The following COL5A2 variants were observed in gnomAD, a reference collection of about 807,000 sequenced individuals.
The protein encoded by COL5A2 is collagen alpha-2(V) chain.
COL5A2 carries 23 observed loss-of-function variants against 208.2 expected under a neutral mutation model. The ratio of observed to expected loss-of-function variants is 0.11; its 90% CI spans 0.08 to 0.16. The LOEUF is 0.16. Ranked by LOEUF, COL5A2 falls within the 10% of genes least tolerant of loss-of-function variation. The probability of loss-of-function intolerance (pLI) is 1.00; values close to 1 mark genes in which losing one functional copy is unlikely to be tolerated. For missense variants in COL5A2, 1,590 were observed against 1,956.4 expected (o/e 0.81, Z 3.53); for synonymous variants, 625 against 628.5 (o/e 0.99, Z 0.08).
At chr2:189,056,033 G>C (rs940835756) in intron 35 of COL5A2, among the ~76,000 whole-genome samples, 5 of 152,184 alleles carry the variant, frequency 3.3e-5, no homozygotes, top group African/African-American at 1.2e-4. Context: ...GTTAAAAGAA[G>C]TGGTGCATCC....
At chr2:189,157,324 C>T (rs1688274411) in intron 1 of COL5A2, among the ~76,000 whole-genome samples, 1 of 151,680 alleles carries the variant, frequency 6.6e-6, no homozygotes, top group South Asian at 2.1e-4. Flanking sequence ...CAAATAATCA[C>T]ACGTCTGGAA....
At chr2:189,196,702 G>A (rs1689005761) in intron 1 of COL5A2, among the ~76,000 whole-genome samples, 1 of 151,992 alleles carries the variant, frequency 6.6e-6, no homozygotes, top group Admixed American at 6.6e-5. Flanking sequence ...GATCTTTGTT[G>A]ATGGAACTGA....
the COL5A2 span, among the ~76,000 whole-genome samples, chr2:189,287,264 CATT>C: frequency 6.6e-6 from 1 of 151,842 alleles, no homozygotes; most frequent in Non-Finnish European, 1.5e-5. Flanking sequence ...TGGTAGTTAT[CATT>C]AAAGGTATAA....
At chr2:189,041,287 CCTT>C (rs1685555256) in intron 50 of COL5A2, among the ~76,000 whole-genome samples, 1 of 152,094 alleles carries the variant, frequency 6.6e-6, no homozygotes, top group Non-Finnish European at 1.5e-5. Flanking sequence ...AAAATATTGC[CCTT>C]GAGAGCAAAT....
the COL5A2 span, among the ~76,000 whole-genome samples, chr2:189,231,046 C>G: frequency 2.6e-5 from 4 of 151,844 alleles, no homozygotes; most frequent in South Asian, 6.2e-4. Flanking sequence ...ATCTTGGAGA[C>G]ATTATGCTGA....
intron 29 of COL5A2, 84 bp from the exon 30 acceptor site, chr2:189,061,699 T>C (rs1686036751): frequency 2.1e-6 from 2 of 969,420 alleles, no homozygotes; most frequent in Admixed American, 1.8e-5. Context: ...GAAGTACTGA[T>C]ATTTATTTGT....
chr2:189,374,709 C>T, the COL5A2 span, among the ~76,000 whole-genome samples: 1 of 152,154 alleles, frequency 6.6e-6, no homozygotes, highest in Non-Finnish European at 1.5e-5. Context: ...TATACTGTTG[C>T]ATCTTACTGT....
intron 1 of COL5A2, among the ~76,000 whole-genome samples, chr2:189,169,953 GT>G (rs1688541276): frequency 6.6e-6 from 1 of 152,182 alleles, no homozygotes; most frequent in Admixed American, 6.5e-5. Context: ...CTGACCTCAG[GT>G]GATCTACCCA....
the COL5A2 span, among the ~76,000 whole-genome samples, chr2:189,435,193 T>C: frequency 6.6e-6 from 1 of 152,192 alleles, no homozygotes; most frequent in Non-Finnish European, 1.5e-5. Context: ...GATTAAAGAC[T>C]TAAATGTTAG....
At position 189,075,403 on chromosome 2, in the gene COL5A2, G is replaced by C. The variant is rs1251186188; in HGVS notation, c.1094C>G (p.Pro365Arg). 3.7e-6 allele frequency: 6 copies of C among 1,603,242 alleles called. No individual in the cohort carries two copies. The highest frequency in any genetic ancestry group is 5.1e-6 in the Non-Finnish European group (6 of 1,170,726). Residue 365 changes from proline (P) to arginine (R), a missense_variant, in exon 17 of 54, where the codon CCT (proline) becomes CGT (arginine). Coordinates refer to ENST00000374866, the MANE Select transcript of COL5A2 (RefSeq NM_000393.5). ...QRGAHGMPGK[P>R]GPMGPLGIPG... is the part of the protein sequence containing the mutation. ...AATAATATAACTCACCATTGGTCCA[G>C]GTTTTCCAGGCATACCATGTGCACC...
chr2:189,324,320 C>G, the COL5A2 span, among the ~76,000 whole-genome samples: 1 of 152,140 alleles, frequency 6.6e-6, no homozygotes, highest in South Asian at 2.1e-4. Context: ...CAAATGGGAT[C>G]TAATTAAACT....
At chr2:189,391,611 T>G in the COL5A2 span, among the ~76,000 whole-genome samples, 2 of 152,152 alleles carry the variant, frequency 1.3e-5, no homozygotes, top group Admixed American at 1.3e-4. Context: ...TCTAATGTAT[T>G]CAACATACTG....
the COL5A2 span, among the ~76,000 whole-genome samples, chr2:189,336,695 G>C: frequency 1.3e-5 from 2 of 152,294 alleles, no homozygotes; most frequent in Non-Finnish European, 2.9e-5. Flanking sequence ...GGTGTTTGGA[G>C]GAGAGTAATG....
chr2:189,357,931 T>C, the COL5A2 span, among the ~76,000 whole-genome samples: 4 of 152,032 alleles, frequency 2.6e-5, no homozygotes, highest in Non-Finnish European at 5.9e-5. Context: ...CAGAGTGCAC[T>C]GTTCCTCATG....
chr2:189,393,701 C>T, the COL5A2 span, among the ~76,000 whole-genome samples: 4 of 152,174 alleles, frequency 2.6e-5, no homozygotes, highest in African/African-American at 9.6e-5. Context: ...CTGGATCTTT[C>T]AATAATTAGG....
intron 1 of COL5A2, among the ~76,000 whole-genome samples, chr2:189,221,250 GT>G (rs1008423055): frequency 1.1e-4 from 16 of 152,186 alleles, no homozygotes; most frequent in African/African-American, 4.8e-5. Flanking sequence ...CCAGTTTGAA[GT>G]TCAGCTTTTG....
At chr2:189,057,871 TA>T (rs1040373599) in intron 33 of COL5A2, among the ~76,000 whole-genome samples, 5 of 152,124 alleles carry the variant, frequency 3.3e-5, no homozygotes, top group Admixed American at 6.5e-5. Context: ...ACCCTGAAAA[TA>T]ATAAGGGGTC....
the COL5A2 span, among the ~76,000 whole-genome samples, chr2:189,254,689 A>T: frequency 2.6e-5 from 4 of 152,192 alleles, no homozygotes; most frequent in African/African-American, 9.6e-5. Flanking sequence ...TCACCCTGAC[A>T]TTACGCCAGA....
intron 6 of COL5A2, chr2:189,095,918 A>G (rs1466375659): frequency 6.6e-6 from 1 of 152,108 alleles, no homozygotes; most frequent in Non-Finnish European, 1.5e-5. Context: ...CACAGTGAAG[A>G]ATGGGGCATA....
Sources: allele counts gnomAD v4.1 joint callset (sites outside exome capture counted in the v4.1 genomes callset), GRCh38; gene constraint gnomAD v4.1.1; transcripts MANE v1.5; gene names NCBI Gene and HGNC (gene_info 2026-07-23, HGNC 2026-07-21).